DGKK: variants seen among roughly 807,000 people sequenced by gnomAD.
DGKK encodes the protein diacylglycerol kinase kappa, also known as 142 kDa diacylglycerol kinase.
A neutral mutation model predicts 92.2 loss-of-function variants in DGKK; 35 were observed. The ratio of observed to expected loss-of-function variants is 0.38; its 90% CI spans 0.29 to 0.50. DGKK has a LOEUF of 0.50. DGKK is among the 20% of genes least tolerant of loss of function. The pLI, the probability that DGKK is intolerant of heterozygous loss-of-function variation, is 0.92. For synonymous variants in DGKK, 368 were observed against 360.6 expected, an observed-to-expected ratio of 1.02 and a Z score of -0.23; for missense variants, 910 against 992.2, an observed-to-expected ratio of 0.92 and a Z score of 1.11.
At chrX:50,461,106 G>C (rs998319844) in intron 1 of DGKK, among the ~76,000 whole-genome samples, 3 of 111,951 alleles carry the variant, frequency 2.7e-5, no homozygotes, top group Non-Finnish European at 3.8e-5. Flanking sequence ...GTATATGGGA[G>C]CAACTGCAAC....
chrX:50,443,612 G>A (rs1926218163), intron 1 of DGKK, among the ~76,000 whole-genome samples: 1 of 110,788 alleles, frequency 9.0e-6, no homozygotes, highest in Non-Finnish European at 1.9e-5. Context: ...TTAGCATCTT[G>A]TATAACTATA....
rs150275751 is a variant in DGKK at position 50,452,576 on chromosome X, G to A, written c.645+17458C>T. ...TGGAAGCACAGCACAGTCCTGAGATGCACTTGTTAAAAAACAGTAGTAAGC... is the reference window on the plus strand; with the variant it reads ...TGGAAGCACAGCACAGTCCTGAGATACACTTGTTAAAAAACAGTAGTAAGC... On this transcript the variant is annotated intron_variant, in intron 1 of 27. Coordinates refer to ENST00000611977, the MANE Select transcript of DGKK (RefSeq NM_001013742.4). Among the ~76,000 whole-genome samples, 537 of 111,842 alleles carry A rather than the reference G, an allele frequency of 4.8e-3. 7 individuals carry two copies. Among genetic ancestry groups the A allele is most frequent in the Non-Finnish European group, 8.0e-3 (427 of 53,087 alleles).
intron 22 of DGKK, 35 bp downstream of exon 22, chrX:50,378,063 A>T: frequency 8.4e-7 from 1 of 1,190,410 alleles, no homozygotes; most frequent in Non-Finnish European, 1.1e-6. Flanking sequence ...TGGATGAGGC[A>T]GTATAGGAGC....
At chrX:50,402,787 A>AT (rs1925043134) in intron 7 of DGKK, among the ~76,000 whole-genome samples, 1 of 111,765 alleles carries the variant, frequency 8.9e-6, no homozygotes, top group Non-Finnish European at 1.9e-5. Context: ...TTAATTGCCC[A>AT]TACTGCCATT....
At position 50,386,517 on chromosome X, in the gene DGKK, C is replaced by A. The variant is rs1557224975; in HGVS notation, c.2188G>T (p.Ala730Ser). Reference sequence around the variant, plus strand: ...GCATATTCTGTAGCACTTTTTTCAGCAGAAGTAGCTGCTGCCTCCTCAGCC... The same window carrying A: ...GCATATTCTGTAGCACTTTTTTCAGAAGAAGTAGCTGCTGCCTCCTCAGCC... The part of the protein sequence containing the change: ...VLAEEAAATS[A>S]EKSATEYADS... Residue 730 changes from alanine (A) to serine (S), a missense_variant, in exon 15 of 28, where the codon GCT becomes TCT. Coordinates refer to ENST00000611977, the MANE Select transcript of DGKK (RefSeq NM_001013742.4). 2 of 1,209,206 alleles carry A rather than the reference C, an allele frequency of 1.7e-6. No homozygotes were observed. The highest frequency in any genetic ancestry group is 3.5e-5 in the African/African-American group (2 of 57,022).
In DGKK at chrX:50,425,373, C is replaced by T. The variant is rs192789146; in HGVS notation, c.646-1015G>A. ...TCTTTTTTTTTAAAAAAAATTAGAA[C>T]ATCTGGTAACATTGCATTTATATTC... On this transcript the variant is annotated intron_variant, in intron 1 of 27. Transcript: ENST00000611977. Among the ~76,000 whole-genome samples the T allele has an allele frequency of 3.4e-3, 377 of 110,443 alleles. 1 individual carries two copies. The highest frequency in any genetic ancestry group is 0.012 in the African/African-American group (356 of 30,370).
chrX:50,435,736 T>TGAGA (rs782053248), intron 1 of DGKK, among the ~76,000 whole-genome samples: 3 of 105,907 alleles, frequency 2.8e-5, no homozygotes, highest in East Asian at 3.0e-4. Flanking sequence ...TGTGTGTGTA[T>TGAGA]GAGAGAGAGA....
Position 50,422,454 on chromosome X carries a change from T to G in DGKK, c.829A>C (p.Ser277Arg), listed in dbSNP as rs782330185. ...TTCCCAATCTTACTTACACAAAAAC[T>G]GTGGCAAAGGTTTCTACAGCTGCTT... is the stretch of plus-strand genomic sequence containing the variant. Reference protein sequence around the residue: ...AESSCRNLCHSFCVITPQRKI... With the variant: ...AESSCRNLCHRFCVITPQRKI... The change falls in exon 3 of 28, where the codon AGT (serine) becomes CGT (arginine). Residue 277 changes from serine to arginine, a missense_variant. Physicochemically the swap from Ser to Arg is moderately radical, Grantham distance 110. Coordinates refer to ENST00000611977, the MANE Select transcript of DGKK (RefSeq NM_001013742.4). 4 of 1,201,568 alleles carry G rather than the reference T, an allele frequency of 3.3e-6. No individual in the cohort carries two copies. The Admixed American group carries it at 6.6e-5, about 20-fold the overall frequency.
At chrX:50,440,039 C>A (rs1312890223) in intron 1 of DGKK, among the ~76,000 whole-genome samples, 2 of 111,532 alleles carry the variant, frequency 1.8e-5, no homozygotes, top group African/African-American at 6.5e-5. Context: ...AAATTTAGCA[C>A]ATTGACATTT....
At chrX:50,466,976 A>G (rs1334289916) in intron 1 of DGKK, among the ~76,000 whole-genome samples, 1 of 111,866 alleles carries the variant, frequency 8.9e-6, no homozygotes, top group Non-Finnish European at 1.9e-5. Flanking sequence ...ATTTTCATCA[A>G]TCATTTGTAT....
chrX:50,392,329 C>A lies in DGKK; in HGVS notation c.1704+12G>T, dbSNP rs17328222. ...TCTAGCAATGGCTAAACTGAGTCAT[C>A]CAGGGACTTACCTTTTCATGTAATC... On this transcript the variant is annotated intron_variant, in intron 10 of 27. Transcript: ENST00000611977. 288,897 of 1,182,100 alleles carry A rather than the reference C, an allele frequency of 0.24. 25,879 individuals are homozygous for A. Among genetic ancestry groups the A allele is most frequent in the Admixed American group, 0.42 (19,130 of 45,554 alleles).
chrX:50,394,701 G>T (rs1924796040), intron 8 of DGKK, among the ~76,000 whole-genome samples: 1 of 111,997 alleles, frequency 8.9e-6, no homozygotes, highest in Non-Finnish European at 1.9e-5. Flanking sequence ...GATAGAAATA[G>T]TCTCTGCCCT....
intron 10 of DGKK, among the ~76,000 whole-genome samples, chrX:50,392,140 G>A (rs1311540320): frequency 8.9e-6 from 1 of 112,314 alleles, no homozygotes; most frequent in Non-Finnish European, 1.9e-5. Context: ...TCTTTCTGTC[G>A]ATGTCACACA....
chrX:50,385,507 C>A (rs145754863), intron 15 of DGKK, among the ~76,000 whole-genome samples: 1,986 of 111,863 alleles, frequency 0.018, 48 homozygotes, highest in African/African-American at 0.062. Context: ...TTAATCTGAT[C>A]CACACTGCTT....
intron 1 of DGKK, among the ~76,000 whole-genome samples, chrX:50,465,394 G>A (rs1557233867): frequency 2.8e-5 from 3 of 107,356 alleles, no homozygotes; most frequent in African/African-American, 1.0e-4. Flanking sequence ...ATTTGCTTTG[G>A]TGAGGGTGGG....
intron 22 of DGKK, among the ~76,000 whole-genome samples, chrX:50,377,799 G>A (rs991473875): frequency 8.9e-6 from 1 of 111,807 alleles, no homozygotes; most frequent in African/African-American, 3.3e-5. Flanking sequence ...TCGAAAACCA[G>A]GGGAGGAAGC....
intron 1 of DGKK, among the ~76,000 whole-genome samples, chrX:50,429,555 G>A (rs975912754): frequency 9.0e-6 from 1 of 111,461 alleles, no homozygotes; most frequent in Admixed American, 9.5e-5. Flanking sequence ...CGGGCGTGGT[G>A]GCGGGCGCCT....
chrX:50,375,935 C>A (rs1218738501), intron 24 of DGKK, 89 bp downstream of exon 24: 1 of 1,065,770 alleles, frequency 9.4e-7, no homozygotes, highest in Non-Finnish European at 1.3e-6. Flanking sequence ...CCCAGTTTCT[C>A]CGTCCAGCCT....
At chrX:50,460,748 T>C (rs1259762252) in intron 1 of DGKK, among the ~76,000 whole-genome samples, 2 of 111,773 alleles carry the variant, frequency 1.8e-5, no homozygotes, top group Non-Finnish European at 3.8e-5. Flanking sequence ...TGATCACACT[T>C]GGTTAATGAA....
Sources: gnomAD v4.1 joint callset for allele counts (sites outside exome capture counted in the v4.1 genomes callset) on GRCh38, gnomAD v4.1.1 for gene constraint, MANE v1.5 for transcripts, NCBI Gene and HGNC (gene_info 2026-07-23, HGNC 2026-07-21) for gene names.